Variants in TPM1 observed in about 807,000 individuals in gnomAD.
TPM1 encodes tropomyosin 1.
TPM1 carries 24 observed loss-of-function variants against 42.9 expected under a neutral mutation model. The observed-to-expected ratio is 0.56, with a 90% CI of 0.41 to 0.79. The LOEUF is 0.79. Among genes scored for constraint, TPM1 ranks in the 30% least tolerant of loss-of-function variants. TPM1 has a pLI of 0.00. For missense variants in TPM1, 158 were observed against 351.8 expected (o/e 0.45, Z 4.41); for synonymous variants, 136 against 130.1 (o/e 1.05, Z -0.31).
chr15:63,043,543 C>A, intron 1 of TPM1: 1 of 1,146,434 alleles, frequency 8.7e-7, no homozygotes, highest in Non-Finnish European at 1.3e-6. Context: ...AGCCGCGGAG[C>A]GGTTCCAGCT....
intron 2 of TPM1, among the ~76,000 whole-genome samples, chr15:63,055,082 T>G (rs947653299): frequency 1.3e-5 from 2 of 151,626 alleles, no homozygotes; most frequent in African/African-American, 2.4e-5. Context: ...TTGAGAGATT[T>G]GTTATCCTAT....
intron 2 of TPM1, among the ~76,000 whole-genome samples, chr15:63,054,060 T>G (rs1012055578): frequency 7.9e-5 from 12 of 152,100 alleles, no homozygotes; most frequent in African/African-American, 9.7e-5. Context: ...GGACAATGCC[T>G]AGGGATCCTT....
downstream of TPM1, chr15:63,070,719 T>C: frequency 9.5e-7 from 1 of 1,052,996 alleles, no homozygotes; most frequent in South Asian, 3.3e-5. Flanking sequence ...CTTGGAAATG[T>C]CTGCTGTTCG....
At chr15:63,070,101 G>T (rs964797368), downstream of TPM1, 4 of 1,516,898 alleles carry the variant, frequency 2.6e-6, no homozygotes, top group African/African-American at 5.5e-5. Context: ...TTGCCTGCTT[G>T]TTTCTCTATA....
chr15:63,055,028 A>AAT (rs869077923), intron 2 of TPM1, among the ~76,000 whole-genome samples: 8 of 5,934 alleles, frequency 1.3e-3, no homozygotes, highest in South Asian at 0.012. Context: ...TAATAGTAAT[A>AAT]AAAAAAAAAA....
At chr15:63,069,999 A>T (rs2036518074), downstream of TPM1, 36 of 1,612,330 alleles carry the variant, frequency 2.2e-5, no homozygotes, top group Non-Finnish European at 2.9e-5. Context: ...ATGTGCAGAA[A>T]ATCTAAGACT....
chr15:63,060,317 C>T (rs2035443616), intron 4 of TPM1, among the ~76,000 whole-genome samples: 1 of 152,212 alleles, frequency 6.6e-6, no homozygotes, highest in Non-Finnish European at 1.5e-5. Context: ...TTACACTATG[C>T]TCACAAGTTT....
downstream of TPM1, among the ~76,000 whole-genome samples, chr15:63,069,542 A>AAAGGCC (rs2036486231): frequency 6.6e-6 from 1 of 152,214 alleles, no homozygotes; most frequent in African/African-American, 2.4e-5. Flanking sequence ...GCCAGAAACC[A>AAAGGCC]TGTATGGCTC....
At chr15:63,051,138 G>T (rs183573883) in intron 2 of TPM1, among the ~76,000 whole-genome samples, 53 of 152,268 alleles carry the variant, frequency 3.5e-4, no homozygotes, top group Admixed American at 9.8e-4. Context: ...AAAGAAAAAG[G>T]CAGGATGAAT....
At chr15:63,053,050 A>G (rs1296970145) in intron 2 of TPM1, among the ~76,000 whole-genome samples, 2 of 152,146 alleles carry the variant, frequency 1.3e-5, no homozygotes, top group African/African-American at 4.8e-5. Flanking sequence ...TTTAACCTCA[A>G]AGCCCCTCTG....
Position 63,062,247 on chromosome 15 carries a change from G to A in TPM1, c.672G>A (p.Glu224=). The A allele has an allele frequency of 6.2e-7, 1 of 1,614,154 alleles. No homozygotes were observed. The highest frequency in any genetic ancestry group is 1.1e-5 in the South Asian group (1 of 91,082). The change falls in exon 7 of 10, where the codon GAG becomes GAA. Residue 224 remains glutamate, a synonymous_variant. Coordinates refer to ENST00000403994, the MANE Select transcript of TPM1 (RefSeq NM_001018005.2). ...YSQKEDRYEE[E]IKVLSDKLKE... The stretch of plus-strand genomic sequence containing the variant: ...AGAAGGAAGACAGATATGAGGAAGA[G>A]ATCAAGGTCCTTTCCGACAAGCTGA...
intron 2 of TPM1, among the ~76,000 whole-genome samples, chr15:63,050,038 G>T (rs148225141): frequency 4.6e-5 from 7 of 152,346 alleles, no homozygotes; most frequent in Non-Finnish European, 8.8e-5. Flanking sequence ...CTTAATCTCT[G>T]TGTTTCAGTT....
intron 2 of TPM1, chr15:63,048,227 C>A (rs975645350): frequency 1.5e-5 from 7 of 473,248 alleles, no homozygotes; most frequent in Admixed American, 1.2e-4. Flanking sequence ...AAGCCAGAGC[C>A]CTAGTGCAGT....
chr15:63,061,694 C>G lies in TPM1; in HGVS notation c.564-19C>G, dbSNP rs377379254. On this transcript the variant is annotated intron_variant, in intron 5 of 9. Coordinates refer to ENST00000403994, the MANE Select transcript of TPM1 (RefSeq NM_001018005.2). ...TTGGCTTGTCTCCCACCCTTTCTGC[C>G]TCTGATCGAAAACATTAGCAAATGT... 38 of 1,613,106 alleles carry G rather than the reference C, an allele frequency of 2.4e-5. No individual in the cohort carries two copies. Among genetic ancestry groups the G allele is most frequent in the Non-Finnish European group, 3.2e-5 (38 of 1,179,214 alleles).
At chr15:63,063,176 T>C in intron 8 of TPM1, 1 of 985,402 alleles carries the variant, frequency 1.0e-6, no homozygotes, top group Non-Finnish European at 1.2e-6. Flanking sequence ...TAGGTTTTAT[T>C]TTAGTAATAA....
intron 1 of TPM1, chr15:63,043,521 G>T: frequency 2.2e-6 from 2 of 929,404 alleles, no homozygotes; most frequent in Admixed American, 4.0e-5. Context: ...GGGCAGGTGG[G>T]TGTGCGGGGT....
chr15:63,060,410 G>A (rs564016121), intron 4 of TPM1, among the ~76,000 whole-genome samples: 2 of 152,220 alleles, frequency 1.3e-5, no homozygotes, highest in South Asian at 2.1e-4. Context: ...TCACCAACTT[G>A]TCTCACGTTA....
intron 1 of TPM1, chr15:63,043,151 T>C: frequency 1.7e-6 from 1 of 585,976 alleles, no homozygotes; most frequent in Non-Finnish European, 3.0e-6. Context: ...GGACGCTTAT[T>C]TCCCTTCTCT....
At chr15:63,064,247 G>T in intron 9 of TPM1, 105 bp downstream of exon 9, 1 of 1,549,404 alleles carries the variant, frequency 6.5e-7, no homozygotes, top group Non-Finnish European at 8.7e-7. Flanking sequence ...TTGCACTCTT[G>T]TGTTCACCCT....
Sources: allele counts gnomAD v4.1 joint callset (sites outside exome capture counted in the v4.1 genomes callset), GRCh38; gene constraint gnomAD v4.1.1; transcripts MANE v1.5; gene names NCBI Gene and HGNC (gene_info 2026-07-23, HGNC 2026-07-21).